Variants in TENM3 observed in about 807,000 individuals in gnomAD.
The protein encoded by TENM3 is teneurin transmembrane protein 3, also known as teneurin-3.
Under a neutral mutation model 255.1 loss-of-function variants are expected in TENM3, and 63 were observed. That is an observed-to-expected ratio of 0.25 (90% confidence interval 0.20 to 0.30). The LOEUF (loss-of-function observed/expected upper bound fraction) is 0.30, where lower values mean the gene tolerates loss of function less well. Ranked by LOEUF, TENM3 falls within the 10% of genes least tolerant of loss-of-function variation. The pLI, the probability that TENM3 is intolerant of heterozygous loss-of-function variation, is 1.00. For synonymous variants in TENM3, 1,306 were observed against 1,322.3 expected, an observed-to-expected ratio of 0.99 and a Z score of 0.27; for missense variants, 2,929 against 3,461.1, an observed-to-expected ratio of 0.85 and a Z score of 3.86.
chr4:182,356,475 G>A (rs189886745), intron 3 of TENM3, among the ~76,000 whole-genome samples: 266 of 152,242 alleles, frequency 1.7e-3, no homozygotes, highest in Non-Finnish European at 2.9e-3. Context: ...ACTAAGGAAG[G>A]AGAGAGCGTG....
At chr4:181,544,401 T>C in the TENM3 span, among the ~76,000 whole-genome samples, 1 of 71,214 alleles carries the variant, frequency 1.4e-5, no homozygotes, top group Non-Finnish European at 2.9e-5. Context: ...TTTCTTTCCT[T>C]CAGGATTAAA....
chr4:182,389,973 C>T (rs1165273415), intron 3 of TENM3, among the ~76,000 whole-genome samples: 7 of 152,218 alleles, frequency 4.6e-5, no homozygotes. Flanking sequence ...GCGTGAGCCA[C>T]CGCGCCCGGC....
At chr4:182,615,772 G>A (rs115172475) in intron 4 of TENM3, among the ~76,000 whole-genome samples, 3 of 152,086 alleles carry the variant, frequency 2.0e-5, no homozygotes, top group Non-Finnish European at 2.9e-5. Context: ...AATGAAAAAT[G>A]TTTAAGCCCT....
chr4:181,771,466 A>C, the TENM3 span, among the ~76,000 whole-genome samples: 3 of 152,340 alleles, frequency 2.0e-5, no homozygotes, highest in East Asian at 5.8e-4. Context: ...TAGCCTAGGT[A>C]CACAAGAGGC....
chr4:181,594,908 C>T, the TENM3 span, among the ~76,000 whole-genome samples: 1 of 152,098 alleles, frequency 6.6e-6, no homozygotes, highest in East Asian at 1.9e-4. Context: ...TTGCTTGGAC[C>T]AAAAAATGTA....
chr4:181,551,826 A>G, the TENM3 span, among the ~76,000 whole-genome samples: 3 of 115,382 alleles, frequency 2.6e-5, no homozygotes, highest in African/African-American at 1.0e-4. Flanking sequence ...ATATATATAT[A>G]TATATATGTA....
intron 26 of TENM3, among the ~76,000 whole-genome samples, chr4:182,794,503 G>A (rs570898617): frequency 9.9e-5 from 15 of 152,248 alleles, no homozygotes; most frequent in African/African-American, 2.6e-4. Context: ...GGACAGTCAC[G>A]AAGCCATTTC....
At position 182,712,169 on chromosome 4, in the gene TENM3, T is replaced by A. The variant is rs149608861; in HGVS notation, c.2222-1918T>A. Reference sequence around the variant, plus strand: ...CTGTACAGTCTATTAAAAAAAGAACTGATAACCTTGTTCAGCAGAAAACAG... The same window carrying A: ...CTGTACAGTCTATTAAAAAAAGAACAGATAACCTTGTTCAGCAGAAAACAG... On this transcript the variant is annotated intron_variant, in intron 12 of 27. Coordinates refer to ENST00000511685, the MANE Select transcript of TENM3 (RefSeq NM_001080477.4). 7.0e-3 allele frequency among the ~76,000 whole-genome samples: 1,068 copies of A among 152,308 alleles called. 9 individuals are homozygous for A. Among genetic ancestry groups the A allele is most frequent in the Non-Finnish European group, 0.011 (722 of 68,036 alleles).
chr4:182,692,848 G>A (rs919535695), intron 12 of TENM3, among the ~76,000 whole-genome samples: 3 of 152,024 alleles, frequency 2.0e-5, no homozygotes, highest in African/African-American at 2.4e-5. Context: ...TTTAGAATGG[G>A]AGTTTTTTTT....
chr4:181,658,266 A>C, the TENM3 span, among the ~76,000 whole-genome samples: 1 of 152,202 alleles, frequency 6.6e-6, no homozygotes, highest in Admixed American at 6.5e-5. Context: ...TTTCTTTCAT[A>C]CTACCTGTTA....
At chr4:182,550,069 G>A (rs1740422369) in intron 3 of TENM3, among the ~76,000 whole-genome samples, 2 of 152,152 alleles carry the variant, frequency 1.3e-5, no homozygotes, top group Non-Finnish European at 2.9e-5. Context: ...CTCAAAACCA[G>A]TGTCTGTTAT....
the TENM3 span, among the ~76,000 whole-genome samples, chr4:181,672,350 TA>T: frequency 6.6e-6 from 1 of 152,222 alleles, no homozygotes; most frequent in African/African-American, 2.4e-5. Context: ...TATTTGGTAC[TA>T]ATACTAGCTT....
intron 1 of TENM3, among the ~76,000 whole-genome samples, chr4:182,227,055 C>T (rs1384944261): frequency 2.6e-5 from 4 of 152,158 alleles, no homozygotes; most frequent in Non-Finnish European, 5.9e-5. Context: ...CTTTTATCAT[C>T]CAGCAACCTC....
At chr4:181,648,394 G>C in the TENM3 span, among the ~76,000 whole-genome samples, 2 of 152,140 alleles carry the variant, frequency 1.3e-5, no homozygotes, top group African/African-American at 4.8e-5. Context: ...AAGCACGCTA[G>C]ATGTCCTCAG....
At chr4:181,697,480 G>A in the TENM3 span, among the ~76,000 whole-genome samples, 4 of 152,018 alleles carry the variant, frequency 2.6e-5, no homozygotes, top group East Asian at 1.9e-4. Flanking sequence ...TGCAACCTCC[G>A]CCTCTCAGGT....
chr4:182,689,498 C>T (rs1055638047), intron 12 of TENM3, among the ~76,000 whole-genome samples: 6 of 152,144 alleles, frequency 3.9e-5, no homozygotes, highest in African/African-American at 1.2e-4. Context: ...GGTCCCACCA[C>T]GCCCCCACGC....
At chr4:182,741,541 AGCGGT>A (rs1362907237) in intron 18 of TENM3, among the ~76,000 whole-genome samples, 12 of 152,238 alleles carry the variant, frequency 7.9e-5, no homozygotes, top group Non-Finnish European at 1.8e-4. Context: ...GATGTTGTAG[AGCGGT>A]AGTCTGACTT....
chr4:182,471,553 T>C (rs1257153962), intron 3 of TENM3, among the ~76,000 whole-genome samples: 2 of 152,156 alleles, frequency 1.3e-5, no homozygotes, highest in African/African-American at 2.4e-5. Flanking sequence ...AGTAAAAATA[T>C]AATATTACAA....
the TENM3 span, among the ~76,000 whole-genome samples, chr4:182,075,200 C>CTTTTTTTT: frequency 5.5e-5 from 7 of 128,192 alleles, no homozygotes; most frequent in Non-Finnish European, 7.9e-5. Context: ...TGTTTTTTTT[C>CTTTTTTTT]TTTTTTTTTT....
Sources: allele counts gnomAD v4.1 joint callset (sites outside exome capture counted in the v4.1 genomes callset), GRCh38; gene constraint gnomAD v4.1.1; transcripts MANE v1.5; gene names NCBI Gene and HGNC (gene_info 2026-07-23, HGNC 2026-07-21).